Variants in CCDC39 observed in about 807,000 individuals in gnomAD.
CCDC39 encodes coiled-coil domain-containing protein 39.
CCDC39 carries 113 observed loss-of-function variants against 121.0 expected under a neutral mutation model. That is an observed-to-expected ratio of 0.93 (90% CI 0.80 to 1.09). CCDC39 has a LOEUF of 1.09. Among genes scored for constraint, CCDC39 ranks in the 50% least tolerant of loss-of-function variants. The pLI, the probability that CCDC39 is intolerant of heterozygous loss-of-function variation, is 0.00. For missense variants in CCDC39, 1,063 were observed against 1,074.7 expected (o/e 0.99, Z 0.15); for synonymous variants, 349 against 352.2 (o/e 0.99, Z 0.10).
At position 180,672,508 on chromosome 3, in the gene CCDC39, C is replaced by T. The variant is rs548897523; in HGVS notation, c.90+6783G>A. On this transcript the variant is annotated intron_variant, in intron 1 of 19. Coordinates refer to ENST00000476379, the MANE Select transcript of CCDC39 (RefSeq NM_181426.2). ...ACTCAGAAGGCTGAGGAAGGAGAATCGCTTGAACCCAGGAGTTAGAGGTTG... is the reference window on the plus strand; with the variant it reads ...ACTCAGAAGGCTGAGGAAGGAGAATTGCTTGAACCCAGGAGTTAGAGGTTG... 5.1e-4 allele frequency among the ~76,000 whole-genome samples: 78 copies of T among 152,264 alleles called. 1 individual carries two copies. The highest frequency in any genetic ancestry group is 1.5e-4 in the Non-Finnish European group (10 of 68,012).
chr3:180,666,710 C>T (rs372218258), intron 1 of CCDC39, among the ~76,000 whole-genome samples: 12 of 152,108 alleles, frequency 7.9e-5, no homozygotes, highest in African/African-American at 2.9e-4. Flanking sequence ...TTCCAAACAA[C>T]ATTTTATAGC....
intron 6 of CCDC39, among the ~76,000 whole-genome samples, chr3:180,659,181 A>T (rs1258123832): frequency 6.6e-6 from 1 of 152,178 alleles, no homozygotes; most frequent in Non-Finnish European, 1.5e-5. Context: ...CATTGGTTTT[A>T]TTGCCAGAAC....
chr3:180,633,591 GAT>G (rs1419113921), intron 13 of CCDC39, among the ~76,000 whole-genome samples: 1 of 151,872 alleles, frequency 6.6e-6, no homozygotes, highest in African/African-American at 2.4e-5. Context: ...GGGAGAGAGA[GAT>G]AAAGAATATC....
Position 180,616,897 on chromosome 3 carries a change from G to GCTT in CCDC39, c.2332_2334dup (p.Lys778dup). ...TTACTTAGTTGAAATGAATAAGCCT[G>GCTT]CTTCTCTGATAACTTTTCTTTAACA... is the stretch of plus-strand genomic sequence containing the variant. On this transcript the variant is annotated inframe_insertion, in exon 17 of 20. Transcript: ENST00000476379. 6.4e-7 allele frequency: 1 copy of GCTT among 1,572,278 alleles called. No individual in the cohort carries two copies. Among genetic ancestry groups the GCTT allele is most frequent in the Non-Finnish European group, 8.7e-7 (1 of 1,146,252 alleles).
At chr3:180,665,365 T>C (rs1711847413) in intron 1 of CCDC39, among the ~76,000 whole-genome samples, 1 of 152,174 alleles carries the variant, frequency 6.6e-6, no homozygotes, top group Admixed American at 6.5e-5. Flanking sequence ...AATAAAAATA[T>C]GCTTTCTTGA....
Position 180,616,596 on chromosome 3 carries a change from T to G in CCDC39, c.2506A>C (p.Lys836Gln). 6.2e-7 allele frequency: 1 copy of G among 1,600,412 alleles called. No homozygotes were observed. Among genetic ancestry groups the G allele is most frequent in the Non-Finnish European group, 8.5e-7 (1 of 1,173,176 alleles). The change falls in exon 18 of 20, where the codon AAA becomes CAA. Residue 836 changes from lysine (K) to glutamine (Q), a missense_variant. Coordinates refer to ENST00000476379, the MANE Select transcript of CCDC39 (RefSeq NM_181426.2). ...TCAACTAACATTTCATCAATAACTT[T>G]GTGAAACTGTTTCATTTCACGAAGT... ...IKLREMKQFH[K>Q]VIDEMLVDII...
chr3:180,652,101 T>G (rs1711501852), intron 8 of CCDC39, 62 bp downstream of exon 8: 2 of 909,554 alleles, frequency 2.2e-6, no homozygotes, highest in South Asian at 3.4e-5. Context: ...CTTAAGTATT[T>G]AATAATTTTC....
At chr3:180,624,143 G>A (rs987120418) in intron 14 of CCDC39, among the ~76,000 whole-genome samples, 1 of 152,026 alleles carries the variant, frequency 6.6e-6, no homozygotes, top group Non-Finnish European at 1.5e-5. Context: ...ATATCCTCTT[G>A]CAGAAGTAAT....
At chr3:180,636,614 C>T (rs1444864725) in intron 13 of CCDC39, among the ~76,000 whole-genome samples, 2 of 150,898 alleles carry the variant, frequency 1.3e-5, no homozygotes, top group African/African-American at 2.4e-5. Context: ...AAAAAAGAGT[C>T]TGAATAGCCA....
At chr3:180,670,062 T>C (rs560994920) in intron 1 of CCDC39, among the ~76,000 whole-genome samples, 5 of 152,288 alleles carry the variant, frequency 3.3e-5, no homozygotes, top group African/African-American at 9.6e-5. Flanking sequence ...ATCGTTCTTA[T>C]GGATTTTTTC....
chr3:180,673,627 C>T (rs1447116290), intron 1 of CCDC39, among the ~76,000 whole-genome samples: 1 of 152,108 alleles, frequency 6.6e-6, no homozygotes, highest in African/African-American at 2.4e-5. Flanking sequence ...CATTTTGTTG[C>T]AGTGGTCTGG....
rs541764545 is a variant in CCDC39 at position 180,658,020 on chromosome 3, G to A, written c.738+1432C>T. On this transcript the variant is annotated intron_variant, in intron 6 of 19. Coordinates refer to ENST00000476379, the MANE Select transcript of CCDC39 (RefSeq NM_181426.2). Reference sequence around the variant, plus strand: ...TTTGGGAGGCGGGTGGATTGCCTGCGGTCAGGAGTTCGAGACCAGCCTGGC... The same window carrying A: ...TTTGGGAGGCGGGTGGATTGCCTGCAGTCAGGAGTTCGAGACCAGCCTGGC... Among the ~76,000 whole-genome samples, 25 of 150,030 alleles carry A rather than the reference G, an allele frequency of 1.7e-4. 1 individual carries two copies. The South Asian group carries it at 4.9e-3, about 29-fold the overall frequency.
chr3:180,677,201 T>C (rs183653747), intron 1 of CCDC39, among the ~76,000 whole-genome samples: 2,106 of 104,292 alleles, frequency 0.02, 127 homozygotes, highest in African/African-American at 0.055. Flanking sequence ...TATATATATA[T>C]ATATATATAT....
At chr3:180,636,079 A>C (rs1717818907) in intron 13 of CCDC39, among the ~76,000 whole-genome samples, 1 of 152,194 alleles carries the variant, frequency 6.6e-6, no homozygotes, top group Admixed American at 6.5e-5. Flanking sequence ...ACTCTTAGTC[A>C]ACATAGTATT....
intron 8 of CCDC39, among the ~76,000 whole-genome samples, chr3:180,651,874 A>T (rs890371244): frequency 6.6e-6 from 1 of 152,122 alleles, no homozygotes; most frequent in Non-Finnish European, 1.5e-5. Context: ...CGTCTCTAAT[A>T]AAAATACAAA....
chr3:180,620,239 G>A (rs866984777), intron 14 of CCDC39, among the ~76,000 whole-genome samples: 4 of 151,784 alleles, frequency 2.6e-5, no homozygotes, highest in Non-Finnish European at 5.9e-5. Flanking sequence ...AAAATTTCCA[G>A]CAAAAATTGC....
At chr3:180,670,069 T>C (rs1425571537) in intron 1 of CCDC39, among the ~76,000 whole-genome samples, 2 of 152,172 alleles carry the variant, frequency 1.3e-5, no homozygotes, top group Non-Finnish European at 2.9e-5. Context: ...TTATGGATTT[T>C]TTCTCCTCAT....
rs566400276 is a variant in CCDC39, at chr3:180,651,834, A to G, written c.1035-301T>C. Among the ~76,000 whole-genome samples, 271 of 152,218 alleles carry G rather than the reference A, an allele frequency of 1.8e-3. No individual in the cohort carries two copies. In the South Asian group the frequency reaches 0.024, roughly 13 times the overall value. On this transcript the variant is annotated intron_variant, in intron 8 of 19. Coordinates refer to ENST00000476379, the MANE Select transcript of CCDC39 (RefSeq NM_181426.2). ...GGGCAGATCACGAGGTCAGGAGATC[A>G]AGACCATCCTGGCTAACACGGTGAA...
intron 1 of CCDC39, among the ~76,000 whole-genome samples, chr3:180,677,560 T>C (rs1712270906): frequency 6.6e-6 from 1 of 152,004 alleles, no homozygotes; most frequent in Non-Finnish European, 1.5e-5. Flanking sequence ...CTTAGAAACA[T>C]TAACCATTTA....
Sources: gnomAD v4.1 joint callset for allele counts (sites outside exome capture counted in the v4.1 genomes callset) on GRCh38, gnomAD v4.1.1 for gene constraint, MANE v1.5 for transcripts, NCBI Gene and HGNC (gene_info 2026-07-23, HGNC 2026-07-21) for gene names.